The following ARHGAP35 variants were observed in gnomAD, a reference collection of about 807,000 sequenced individuals.
ARHGAP35 encodes rho GTPase-activating protein 35.
A neutral mutation model predicts 111.1 loss-of-function variants in ARHGAP35; 15 were observed. The ratio of observed to expected loss-of-function variants is 0.13; its 90% CI spans 0.09 to 0.21. ARHGAP35 has a LOEUF of 0.21. Among genes scored for constraint, ARHGAP35 ranks in the 10% least tolerant of loss-of-function variants. ARHGAP35 has a pLI of 1.00. For missense variants in ARHGAP35, 1,262 were observed against 1,873.0 expected, an observed-to-expected ratio of 0.67 and a Z score of 6.02; for synonymous variants, 643 against 710.3, an observed-to-expected ratio of 0.91 and a Z score of 1.51.
chr19:46,931,087 A>G (rs913657825), intron 2 of ARHGAP35, among the ~76,000 whole-genome samples: 3 of 152,180 alleles, frequency 2.0e-5, no homozygotes, highest in Admixed American at 1.3e-4. Flanking sequence ...TAGTACTGCC[A>G]AAGTATGAAC....
chr19:46,933,190 C>T (rs1037196606), intron 2 of ARHGAP35, among the ~76,000 whole-genome samples: 14 of 136,620 alleles, frequency 1.0e-4, no homozygotes, highest in African/African-American at 3.4e-4. Context: ...ATCACCCAGG[C>T]TGGAGTGCAG....
chr19:46,956,785 C>G (rs958182340), intron 3 of ARHGAP35, among the ~76,000 whole-genome samples: 1 of 152,226 alleles, frequency 6.6e-6, no homozygotes, highest in African/African-American at 2.4e-5. Flanking sequence ...GTGACTTACC[C>G]TGTCTAAGCC....
intron 3 of ARHGAP35, among the ~76,000 whole-genome samples, chr19:46,938,954 C>T (rs1382019423): frequency 6.6e-6 from 1 of 152,108 alleles, no homozygotes; most frequent in Non-Finnish European, 1.5e-5. Context: ...TGCGCCTGGC[C>T]TGAAGATAGT....
intron 2 of ARHGAP35, among the ~76,000 whole-genome samples, chr19:46,929,956 TCTCA>T (rs1476151385): frequency 2.5e-4 from 37 of 149,554 alleles, no homozygotes; most frequent in Non-Finnish European, 1.0e-4. Context: ...AAAGTTGGGG[TCTCA>T]CTATGTTTCT....
chr19:46,864,277 G>GTGA (rs1259959576), intron 1 of ARHGAP35, among the ~76,000 whole-genome samples: 6 of 152,230 alleles, frequency 3.9e-5, no homozygotes, highest in African/African-American at 1.4e-4. Flanking sequence ...AGTTCATTCA[G>GTGA]GGGTAGAGGT....
At chr19:46,890,969 T>C (rs933220837) in intron 1 of ARHGAP35, among the ~76,000 whole-genome samples, 4 of 152,214 alleles carry the variant, frequency 2.6e-5, no homozygotes, top group African/African-American at 9.6e-5. Context: ...TGTGGCTCTT[T>C]GGCAATATTC....
intron 3 of ARHGAP35, among the ~76,000 whole-genome samples, chr19:46,957,655 G>T (rs2056448218): frequency 6.6e-6 from 1 of 152,184 alleles, no homozygotes; most frequent in Non-Finnish European, 1.5e-5. Flanking sequence ...TGGCTTAGAT[G>T]ATTTATTCCT....
intron 3 of ARHGAP35, among the ~76,000 whole-genome samples, chr19:46,984,841 C>T (rs2056640313): frequency 6.6e-6 from 1 of 152,240 alleles, no homozygotes; most frequent in Non-Finnish European, 1.5e-5. Context: ...GTCTCCTGCC[C>T]TCTCATGCCG....
At chr19:46,879,006 G>C (rs913381052) in intron 1 of ARHGAP35, among the ~76,000 whole-genome samples, 1 of 152,146 alleles carries the variant, frequency 6.6e-6, no homozygotes, top group African/African-American at 2.4e-5. Context: ...CTGTTTGATA[G>C]CATTTTATCC....
At chr19:46,911,379 T>A (rs935741789) in intron 1 of ARHGAP35, among the ~76,000 whole-genome samples, 2 of 152,242 alleles carry the variant, frequency 1.3e-5, no homozygotes, top group Non-Finnish European at 2.9e-5. Flanking sequence ...AAGATCCTCG[T>A]CAGCAAAGAC....
chr19:46,999,331 A>G lies in ARHGAP35; in HGVS notation c.4064A>G (p.His1355Arg). ...ATCAACGACCGGGAGCAGAAGTTGCATGCCCTTAAGGAGGTATTAAAGAAA... is the reference window on the plus strand; with the variant it reads ...ATCAACGACCGGGAGCAGAAGTTGCGTGCCCTTAAGGAGGTATTAAAGAAA... ...HKINDREQKL[H>R]ALKEVLKKFP... is the part of the protein sequence containing the mutation. Residue 1355 changes from histidine (H) to arginine (R), a missense_variant, in exon 6 of 7, where the codon CAT becomes CGT. His to Arg is a conservative substitution (Grantham distance 29, BLOSUM62 0). Transcript: ENST00000672722. This position sits in a 1 kb window ranked among gnomAD's most constrained non-coding sequence, Gnocchi z 5.4. 1 of 1,593,006 alleles carries G rather than the reference A, an allele frequency of 6.3e-7. No individual in the cohort carries two copies. The highest frequency in any genetic ancestry group is 8.5e-7 in the Non-Finnish European group (1 of 1,169,754).
chr19:46,957,590 C>T (rs902917781), intron 3 of ARHGAP35, among the ~76,000 whole-genome samples: 1 of 152,112 alleles, frequency 6.6e-6, no homozygotes, highest in Non-Finnish European at 1.5e-5. Context: ...TCCAGACCGG[C>T]AATAGAGTTA....
chr19:46,876,379 T>A (rs907245294), intron 1 of ARHGAP35, among the ~76,000 whole-genome samples: 14 of 151,678 alleles, frequency 9.2e-5, no homozygotes, highest in Admixed American at 5.3e-4. Flanking sequence ...TTTTTAAATT[T>A]TTTTTTTCTT....
chr19:46,902,423 A>C (rs934269997), intron 1 of ARHGAP35, among the ~76,000 whole-genome samples: 4 of 152,166 alleles, frequency 2.6e-5, no homozygotes, highest in African/African-American at 7.2e-5. Flanking sequence ...GTATTCTACT[A>C]TGGAGTGGGG....
At chr19:46,947,405 C>T (rs954199825) in intron 3 of ARHGAP35, 1 of 152,132 alleles carries the variant, frequency 6.6e-6, no homozygotes, top group Admixed American at 6.5e-5. Context: ...AATTAGAATC[C>T]TCACATTGCC....
chr19:46,935,540 GAGA>G (rs1389278837), intron 2 of ARHGAP35, among the ~76,000 whole-genome samples: 2 of 152,250 alleles, frequency 1.3e-5, no homozygotes, highest in Non-Finnish European at 2.9e-5. Context: ...AGATGGGCAG[GAGA>G]AGGAGAGGGA....
Position 47,001,817 on chromosome 19 carries a change from T to C in ARHGAP35, c.*1129T>C. The C allele has an allele frequency of 4.8e-6, 1 of 208,358 alleles. No individual in the cohort carries two copies. The highest frequency in any genetic ancestry group is 9.7e-6 in the Non-Finnish European group (1 of 102,692). 12.9% of individuals were successfully genotyped at this position (208,358 alleles called of 1,614,324 possible). A position where few individuals can be genotyped will look rare whatever the true frequency, so the allele number is the denominator to read the frequency against. ...GACAGCTGGAAGGTGCCAGGTGCAC[T>C]TGGGGTTGGGGTTGGTGTGTTGGGT... On this transcript the variant is annotated 3_prime_UTR_variant, in exon 7 of 7. Coordinates refer to ENST00000672722, the MANE Select transcript of ARHGAP35 (RefSeq NM_004491.5). The surrounding 1 kb of genome is among the most constrained non-coding windows in gnomAD (Gnocchi z 5.4).
Position 46,993,337 on chromosome 19 carries a change from A to T in ARHGAP35, c.4036+3662A>T, listed in dbSNP as rs1214051483. Among the ~76,000 whole-genome samples the T allele has an allele frequency of 6.6e-6, 1 of 152,214 alleles. No individual in the cohort carries two copies. The highest frequency in any genetic ancestry group is 2.4e-5 in the African/African-American group (1 of 41,452). On this transcript the variant is annotated intron_variant, in intron 5 of 6. Transcript: ENST00000672722. This position sits in a 1 kb window ranked among gnomAD's most constrained non-coding sequence, Gnocchi z 4.6. ...GGCGTGCAGATGGTCAGCGGCGGCC[A>T]GCAGGGACTTTCCTCCAGGCACCGA...
At chr19:46,865,486 A>C (rs1028370822) in intron 1 of ARHGAP35, among the ~76,000 whole-genome samples, 1 of 152,112 alleles carries the variant, frequency 6.6e-6, no homozygotes, top group East Asian at 1.9e-4. Flanking sequence ...AGAAGAGAAG[A>C]AGTTGAAAGA....
Sources: gnomAD v4.1 joint callset for allele counts (sites outside exome capture counted in the v4.1 genomes callset) on GRCh38, gnomAD v4.1.1 for gene constraint, Gnocchi (gnomAD v3.1) non-coding constraint, MANE v1.5 for transcripts, NCBI Gene and HGNC (gene_info 2026-07-23, HGNC 2026-07-21) for gene names.